The following KDM2B variants were observed in gnomAD, a reference collection of about 807,000 sequenced individuals.
The protein encoded by KDM2B is lysine-specific demethylase 2B.
A neutral mutation model predicts 150.0 loss-of-function variants in KDM2B; 26 were observed. The ratio of observed to expected loss-of-function variants is 0.17; its 90% CI spans 0.13 to 0.24. The LOEUF (loss-of-function observed/expected upper bound fraction) is 0.24, where lower values mean the gene tolerates loss of function less well. Ranked by LOEUF, KDM2B falls within the 10% of genes least tolerant of loss-of-function variation. The pLI, the probability that KDM2B is intolerant of heterozygous loss-of-function variation, is 1.00. For synonymous variants in KDM2B, 734 were observed against 729.5 expected, an observed-to-expected ratio of 1.01 and a Z score of -0.10; for missense variants, 1,265 against 1,816.9, an observed-to-expected ratio of 0.70 and a Z score of 5.52.
At chr12:121,432,483 T>C (rs1343370715) in intron 22 of KDM2B, among the ~76,000 whole-genome samples, 1 of 152,202 alleles carries the variant, frequency 6.6e-6, no homozygotes, top group African/African-American at 2.4e-5. Flanking sequence ...CAAGTGATCC[T>C]CCCCACCCAG....
chr12:121,454,274 C>T (rs1877859986), intron 12 of KDM2B, among the ~76,000 whole-genome samples: 1 of 152,190 alleles, frequency 6.6e-6, no homozygotes, highest in Non-Finnish European at 1.5e-5. Context: ...AGAATGCACT[C>T]AACAAACCAG....
chr12:121,570,559 C>T (rs1337104212), intron 4 of KDM2B, among the ~76,000 whole-genome samples: 3 of 152,168 alleles, frequency 2.0e-5, no homozygotes, highest in African/African-American at 7.2e-5. Context: ...CACTGGCCGG[C>T]TGCTTTCATC....
intron 9 of KDM2B, among the ~76,000 whole-genome samples, chr12:121,519,064 C>T (rs1031058565): frequency 3.9e-5 from 6 of 152,144 alleles, no homozygotes; most frequent in African/African-American, 1.4e-4. Flanking sequence ...CCCATGGAGC[C>T]CCAGCCCAGA....
rs1485241420 is a variant in KDM2B, at chr12:121,520,827, T to G, written c.1047+158A>C. Among the ~76,000 whole-genome samples, 2 of 105,612 alleles carry G rather than the reference T, an allele frequency of 1.9e-5. No individual in the cohort carries two copies. Among genetic ancestry groups the G allele is most frequent in the African/African-American group, 3.3e-5 (1 of 29,904 alleles). 69.3% of individuals were successfully genotyped at this position (105,612 alleles called of 152,430 possible). ...CCTACAGGCATTCCCCTGCCCCCCC[T>G]CCCCCGCCACAGAACCAGGACTGAA... On this transcript the variant is annotated intron_variant, in intron 9 of 22. Transcript: ENST00000377071. This position sits in a 1 kb window ranked among gnomAD's most constrained non-coding sequence, Gnocchi z 4.5.
chr12:121,433,948 G>A (rs782710932), intron 22 of KDM2B, among the ~76,000 whole-genome samples: 1 of 152,146 alleles, frequency 6.6e-6, no homozygotes, highest in Non-Finnish European at 1.5e-5. Flanking sequence ...GGAGGCTGAG[G>A]TGGGTGGATC....
In KDM2B at chr12:121,461,167, G is replaced by A. The variant is rs537505559; in HGVS notation, c.1735-7823C>T. 8.5e-5 allele frequency among the ~76,000 whole-genome samples: 13 copies of A among 152,282 alleles called. 1 individual carries two copies. The highest frequency in any genetic ancestry group is 2.6e-4 in the Admixed American group (4 of 15,272). On this transcript the variant is annotated intron_variant, in intron 12 of 22. Coordinates refer to ENST00000377071, the MANE Select transcript of KDM2B (RefSeq NM_032590.5). The stretch of plus-strand genomic sequence containing the variant: ...TCTTAGAGGGAGAACAGGACCCTGC[G>A]TGCCAGGGGTGGGAGTGGGGTTACG...
chr12:121,488,738 C>CT (rs1389096372), intron 12 of KDM2B, among the ~76,000 whole-genome samples: 1 of 151,806 alleles, frequency 6.6e-6, no homozygotes, highest in Non-Finnish European at 1.5e-5. Flanking sequence ...TCTCCTGCCT[C>CT]ACCCTTCCGA....
chr12:121,577,539 T>G (rs1424032644), intron 2 of KDM2B, among the ~76,000 whole-genome samples: 5 of 151,828 alleles, frequency 3.3e-5, no homozygotes, highest in African/African-American at 4.8e-5. Context: ...CAGGAGGCAA[T>G]GGGCACAAAA....
At chr12:121,539,725 G>GTGTT (rs562897963) in intron 6 of KDM2B, among the ~76,000 whole-genome samples, 51 of 152,018 alleles carry the variant, frequency 3.4e-4, no homozygotes, top group African/African-American at 1.1e-3. Context: ...AGCCCCTAAT[G>GTGTT]TGTTTGTTTG....
chr12:121,498,354 G>A (rs559612651), intron 11 of KDM2B, among the ~76,000 whole-genome samples: 1 of 152,150 alleles, frequency 6.6e-6, no homozygotes, highest in African/African-American at 2.4e-5. Context: ...GGTGAGGCCT[G>A]TGACAAACTG....
At chr12:121,580,091 T>C in intron 1 of KDM2B, 1 of 1,588,698 alleles carries the variant, frequency 6.3e-7, no homozygotes, top group Non-Finnish European at 8.5e-7. Flanking sequence ...TCAACACTCC[T>C]GCCCCCTGCA....
chr12:121,502,952 T>TA (rs1377250839), intron 11 of KDM2B, among the ~76,000 whole-genome samples: 2 of 148,818 alleles, frequency 1.3e-5, no homozygotes, highest in African/African-American at 5.0e-5. Flanking sequence ...ATTTTTTTTT[T>TA]AAAAAAGGAA....
rs374705468 is a variant in KDM2B, at chr12:121,452,961, C to T, written c.1959+159G>A. ...GAGCAGGAGGCCTGAGCCTGCGAAGCGGCCAGCGCCTTCCCGTCCACAGGA... is the reference window on the plus strand; with the variant it reads ...GAGCAGGAGGCCTGAGCCTGCGAAGTGGCCAGCGCCTTCCCGTCCACAGGA... On this transcript the variant is annotated intron_variant, in intron 13 of 22. Transcript: ENST00000377071. This position sits in a 1 kb window ranked among gnomAD's most constrained non-coding sequence, Gnocchi z 4.4. Among the ~76,000 whole-genome samples, 12 of 152,304 alleles carry T rather than the reference C, an allele frequency of 7.9e-5. No individual in the cohort carries two copies. Among genetic ancestry groups the T allele is most frequent in the African/African-American group, 2.6e-4 (11 of 41,578 alleles).
At chr12:121,478,268 T>G (rs1881613469) in intron 12 of KDM2B, among the ~76,000 whole-genome samples, 1 of 152,042 alleles carries the variant, frequency 6.6e-6, no homozygotes, top group Admixed American at 6.6e-5. Context: ...GTACAGATCA[T>G]TTCGCCACTC....
intron 9 of KDM2B, among the ~76,000 whole-genome samples, chr12:121,519,026 G>A (rs1886464843): frequency 6.6e-6 from 1 of 152,126 alleles, no homozygotes; most frequent in Admixed American, 6.5e-5. Flanking sequence ...AGAGAGGTGA[G>A]GGGAAAAAGT....
intron 6 of KDM2B, among the ~76,000 whole-genome samples, chr12:121,536,660 GTTTT>G (rs71079076): frequency 4.9e-5 from 7 of 141,596 alleles, no homozygotes; most frequent in Non-Finnish European, 9.3e-5. Flanking sequence ...CTTCGTCTTG[GTTTT>G]TTTTTTTTTT....
intron 12 of KDM2B, among the ~76,000 whole-genome samples, chr12:121,476,801 A>G (rs1555296856): frequency 6.6e-6 from 1 of 151,916 alleles, no homozygotes; most frequent in East Asian, 1.9e-4. Context: ...TCTTCATTTC[A>G]TGGATTTTCA....
chr12:121,529,315 C>A (rs1887427492), intron 8 of KDM2B, among the ~76,000 whole-genome samples: 1 of 152,182 alleles, frequency 6.6e-6, no homozygotes, highest in Non-Finnish European at 1.5e-5. Context: ...AAACCATCAG[C>A]ATCCTATGAG....
In KDM2B at chr12:121,521,140, C is replaced by T. The variant is rs199636017; in HGVS notation, c.932-40G>A. 5.5e-4 allele frequency: 768 copies of T among 1,400,268 alleles called. No homozygotes were observed. The highest frequency in any genetic ancestry group is 6.9e-4 in the Non-Finnish European group (680 of 987,910). The allele number at this position is 1,400,268 out of a possible 1,614,324, so 86.7% of individuals were successfully genotyped here. A position where few individuals can be genotyped will look rare whatever the true frequency, so the allele number is the denominator to read the frequency against. ...GCAAGGAGAGGATGAGCCGCTGGCC[C>T]CTGTGGGCTCCCACACCTCACAAGG... On this transcript the variant is annotated intron_variant, in intron 8 of 22. Transcript: ENST00000377071. This position sits in a 1 kb window ranked among gnomAD's most constrained non-coding sequence, Gnocchi z 4.9.
Sources: gnomAD v4.1 joint callset for allele counts (sites outside exome capture counted in the v4.1 genomes callset) on GRCh38, gnomAD v4.1.1 for gene constraint, Gnocchi (gnomAD v3.1) non-coding constraint, MANE v1.5 for transcripts, NCBI Gene and HGNC (gene_info 2026-07-23, HGNC 2026-07-21) for gene names.